Variants in IQCK observed in about 807,000 individuals in gnomAD.
IQCK encodes IQ domain-containing protein K.
IQCK carries 29 observed loss-of-function variants against 28.1 expected under a neutral mutation model. That is an observed-to-expected ratio of 1.03 (90% CI 0.77 to 1.41). The LOEUF (loss-of-function observed/expected upper bound fraction) is 1.41, where lower values mean the gene tolerates loss of function less well. Ranked by LOEUF, IQCK falls within the 40% of genes most tolerant of loss-of-function variation. IQCK has a pLI of 0.00. For synonymous variants in IQCK, 113 were observed against 115.1 expected (o/e 0.98, Z 0.12); for missense variants, 359 against 314.7 (o/e 1.14, Z -1.07).
intron 1 of IQCK, among the ~76,000 whole-genome samples, chr16:19,727,593 C>A (rs971254637): frequency 5.3e-5 from 8 of 150,410 alleles, no homozygotes; most frequent in Admixed American, 5.3e-4. Flanking sequence ...TCACCCCCCC[C>A]CCCCAAAAAA....
At chr16:19,830,654 C>T (rs1312455939), downstream of IQCK, among the ~76,000 whole-genome samples, 1 of 152,200 alleles carries the variant, frequency 6.6e-6, no homozygotes, top group African/African-American at 2.4e-5. Context: ...GAAGTCAGGA[C>T]AGCAGAAAGG....
intron 1 of IQCK, among the ~76,000 whole-genome samples, chr16:19,724,188 A>G (rs1044936399): frequency 1.3e-5 from 2 of 151,872 alleles, no homozygotes; most frequent in East Asian, 3.9e-4. Context: ...CTTCTCATTT[A>G]TCTCTCTAGA....
intron 4 of IQCK, 164 bp downstream of exon 4, chr16:19,735,614 A>G (rs535740520): frequency 8.3e-5 from 52 of 624,662 alleles, no homozygotes; most frequent in Middle Eastern, 4.4e-4. Context: ...CACACCATCT[A>G]GTTGTGCACA....
At chr16:19,726,056 C>G (rs776703790) in intron 1 of IQCK, among the ~76,000 whole-genome samples, 11 of 152,060 alleles carry the variant, frequency 7.2e-5, no homozygotes, top group Non-Finnish European at 1.6e-4. Context: ...GCTGGGACTA[C>G]AGGCGCCCGC....
chr16:19,727,596 CCA>C (rs1491559700), intron 1 of IQCK, among the ~76,000 whole-genome samples: 7 of 147,038 alleles, frequency 4.8e-5, no homozygotes, highest in South Asian at 2.1e-4. Context: ...CCCCCCCCCC[CCA>C]AAAAAAAAGA....
rs1173003736 is a variant in IQCK at position 19,731,244 on chromosome 16, A to G, written c.246+750A>G. The stretch of plus-strand genomic sequence containing the variant: ...AGGGCTAAGGACAGGGCAGCCAGGA[A>G]GAGAGGCCCTCGTGAAGTCTACCTT... On this transcript the variant is annotated intron_variant, in intron 2 of 7. Coordinates refer to ENST00000564186, the Ensembl canonical transcript of IQCK. 2.0e-5 allele frequency among the ~76,000 whole-genome samples: 3 copies of G among 152,328 alleles called. No individual in the cohort carries two copies. In the East Asian group the frequency reaches 5.8e-4, roughly 29 times the overall value.
intron 7 of IQCK, among the ~76,000 whole-genome samples, chr16:19,815,067 G>C (rs576858743): frequency 2.0e-5 from 3 of 152,154 alleles, no homozygotes. Context: ...GATTATAGGC[G>C]TGAGCCACTA....
At chr16:19,828,895 TA>T (rs201266655), downstream of IQCK, among the ~76,000 whole-genome samples, 6,088 of 142,564 alleles carry the variant, frequency 0.043, 440 homozygotes, top group African/African-American at 0.15. Flanking sequence ...AAATATATAT[TA>T]TATATATTTT....
chr16:19,753,903 C>T (rs945984059), intron 4 of IQCK, among the ~76,000 whole-genome samples: 11 of 151,988 alleles, frequency 7.2e-5, no homozygotes, highest in African/African-American at 2.4e-4. Flanking sequence ...AGAAGGGGGA[C>T]AACAAACTCT....
Position 19,819,657 on chromosome 16 carries a change from A to G in IQCK, c.691-7369A>G, listed in dbSNP as rs138724077. The G allele has an allele frequency of 7.3e-3, 1,121 of 154,102 alleles. 48 individuals are homozygous for G. Among genetic ancestry groups the G allele is most frequent in the Admixed American group, 0.063 (964 of 15,312 alleles). 9.5% of individuals were successfully genotyped at this position (154,102 alleles called of 1,614,324 possible). ...TGATAAATTGGAAGCAGTATTGACT[A>G]TGTCAAAATTTAATAACTAGAGACT... On this transcript the variant is annotated intron_variant, in intron 7 of 7. Coordinates refer to ENST00000564186, the Ensembl canonical transcript of IQCK.
At chr16:19,834,308 G>A (rs2141101966) in intron 9 of IQCK, among the ~76,000 whole-genome samples, 1 of 152,300 alleles carries the variant, frequency 6.6e-6, no homozygotes, top group Middle Eastern at 3.4e-3. Flanking sequence ...CCATCGTACA[G>A]ATGAGGAAAC....
chr16:19,721,126 A>G (rs988138598), intron 1 of IQCK, among the ~76,000 whole-genome samples: 1 of 152,232 alleles, frequency 6.6e-6, no homozygotes, highest in Non-Finnish European at 1.5e-5. Flanking sequence ...TAACAAATGC[A>G]GTTTTCTATA....
In IQCK at chr16:19,741,728, T is replaced by G. The variant is rs563555299; in HGVS notation, c.474+6278T>G. Among the ~76,000 whole-genome samples the G allele has an allele frequency of 3.3e-5, 5 of 152,318 alleles. No individual in the cohort carries two copies. In the South Asian group the frequency reaches 1.0e-3, roughly 32 times the overall value. On this transcript the variant is annotated intron_variant, in intron 4 of 7. Transcript: ENST00000564186. ...GTGGCCAGGCATGGTGGTTCATGCC[T>G]GTAATCCCACCACTTAGAGAGGCCG...
At chr16:19,769,397 A>G in intron 6 of IQCK, among the ~76,000 whole-genome samples, 1 of 152,224 alleles carries the variant, frequency 6.6e-6, no homozygotes. Flanking sequence ...AGATACAGTG[A>G]TACAGCTACA....
chr16:19,735,324 C>T (rs750074708), intron 3 of IQCK, 29 bp from the exon 4 acceptor site: 1 of 1,525,480 alleles, frequency 6.6e-7, no homozygotes, highest in Non-Finnish European at 9.1e-7. Flanking sequence ...TGGGGATTTG[C>T]AGGGGGAATT....
At chr16:19,726,165 C>T (rs797004706) in intron 1 of IQCK, among the ~76,000 whole-genome samples, 10 of 151,524 alleles carry the variant, frequency 6.6e-5, no homozygotes, top group African/African-American at 1.5e-4. Flanking sequence ...CCGCCCGCCT[C>T]GGCCTCCCAA....
chr16:19,759,973 A>G (rs975592310), intron 4 of IQCK, among the ~76,000 whole-genome samples: 8 of 152,000 alleles, frequency 5.3e-5, no homozygotes, highest in African/African-American at 1.9e-4. Context: ...GAAAGTTTTA[A>G]AAGTATATTA....
chr16:19,769,583 T>C (rs541222814), intron 6 of IQCK, among the ~76,000 whole-genome samples: 156 of 152,252 alleles, frequency 1.0e-3, no homozygotes, highest in African/African-American at 3.7e-3. Context: ...CTGGAGTGTG[T>C]GAGGACATAG....
In IQCK at chr16:19,826,340, G is replaced by A. The variant is rs987583864; in HGVS notation, c.691-686G>A. ...TTTTTAATATTAATTACATGTTGAA[G>A]TAATAAGATTTTGAATGTTTTAGGT... is the stretch of plus-strand genomic sequence containing the variant. On this transcript the variant is annotated intron_variant, in intron 7 of 7. Transcript: ENST00000564186. Among the ~76,000 whole-genome samples, 22 of 151,970 alleles carry A rather than the reference G, an allele frequency of 1.4e-4. 1 individual carries two copies. Among genetic ancestry groups the A allele is most frequent in the African/African-American group, 4.8e-4 (20 of 41,456 alleles).
Sources: allele counts gnomAD v4.1 joint callset (sites outside exome capture counted in the v4.1 genomes callset), GRCh38; gene constraint gnomAD v4.1.1; transcripts MANE v1.5; gene names NCBI Gene and HGNC (gene_info 2026-07-23, HGNC 2026-07-21).